TAFA5: variants seen among roughly 807,000 people sequenced by gnomAD.
The protein encoded by TAFA5 is TAFA chemokine like family member 5.
Under a neutral mutation model 15.3 loss-of-function variants are expected in TAFA5, and 6 were observed. That is an observed-to-expected ratio of 0.39 (90% confidence interval 0.21 to 0.77). The LOEUF is 0.77. Ranked by LOEUF, TAFA5 falls within the 30% of genes least tolerant of loss-of-function variation. The probability of loss-of-function intolerance (pLI) is 0.41; values close to 1 mark genes in which losing one functional copy is unlikely to be tolerated. For missense variants in TAFA5, 161 were observed against 193.1 expected (o/e 0.83, Z 0.98); for synonymous variants, 103 against 80.7 (o/e 1.28, Z -1.48).
At chr22:48,564,811 C>T (rs1438269096) in intron 1 of TAFA5, among the ~76,000 whole-genome samples, 1 of 152,200 alleles carries the variant, frequency 6.6e-6, no homozygotes, top group Non-Finnish European at 1.5e-5. Context: ...CAGCGAGGCT[C>T]AGCTGACTAT....
At chr22:48,733,882 C>A (rs577509302) in intron 3 of TAFA5, among the ~76,000 whole-genome samples, 3 of 152,320 alleles carry the variant, frequency 2.0e-5, no homozygotes, top group Admixed American at 2.0e-4. Context: ...TGACTCTTTG[C>A]AGCACAAGTT....
At chr22:48,604,978 G>C (rs953331470) in intron 1 of TAFA5, among the ~76,000 whole-genome samples, 2 of 151,808 alleles carry the variant, frequency 1.3e-5, no homozygotes. Context: ...TGAGGATATA[G>C]GTGGTGATGG....
At chr22:48,701,674 A>G (rs1209844160) in intron 2 of TAFA5, among the ~76,000 whole-genome samples, 1 of 152,226 alleles carries the variant, frequency 6.6e-6, no homozygotes, top group Non-Finnish European at 1.5e-5. Context: ...GGCTGTGCGG[A>G]GGACCTGTGG....
In TAFA5 at chr22:48,682,444, T is replaced by C. The variant is rs112431513; in HGVS notation, c.263-25273T>C. Among the ~76,000 whole-genome samples the C allele has an allele frequency of 4.6e-3, 699 of 152,310 alleles. 7 individuals carry two copies. Among genetic ancestry groups the C allele is most frequent in the African/African-American group, 0.016 (675 of 41,552 alleles). ...TGAAGTTGCTAGTGATGTTGATACA[T>C]ATCATCGTGAGCTTCTGTCCCCTGG... On this transcript the variant is annotated intron_variant, in intron 2 of 3. Transcript: ENST00000402357.
In TAFA5 at chr22:48,566,446, T is replaced by C. The variant is rs1440461662; in HGVS notation, c.112+76742T>C. ...TGAATGGTAGATGGGTGATGAATGA[T>C]TGATTGATGGAGGGATGGATGTTGG... On this transcript the variant is annotated intron_variant, in intron 1 of 3. Transcript: ENST00000402357. The surrounding 1 kb of genome is among the most constrained non-coding windows in gnomAD (Gnocchi z 4.5). 2.6e-5 allele frequency among the ~76,000 whole-genome samples: 4 copies of C among 150,944 alleles called. No individual in the cohort carries two copies. The highest frequency in any genetic ancestry group is 5.9e-5 in the Non-Finnish European group (4 of 67,712).
intron 1 of TAFA5, among the ~76,000 whole-genome samples, chr22:48,580,095 C>T (rs1053168479): frequency 2.0e-5 from 3 of 152,202 alleles, no homozygotes; most frequent in South Asian, 4.1e-4. Context: ...ATTCCAGAAG[C>T]GCTTTCAGAA....
intron 3 of TAFA5, among the ~76,000 whole-genome samples, chr22:48,713,635 T>C (rs998739699): frequency 6.6e-6 from 1 of 152,210 alleles, no homozygotes; most frequent in Admixed American, 6.5e-5. Flanking sequence ...CGTTGGCATC[T>C]CCAGCAGTGC....
At chr22:48,505,097 G>A (rs1264798893) in intron 1 of TAFA5, among the ~76,000 whole-genome samples, 1 of 152,210 alleles carries the variant, frequency 6.6e-6, no homozygotes, top group Non-Finnish European at 1.5e-5. Flanking sequence ...TGAATGGCCT[G>A]TCTACCTGCC....
At chr22:48,663,314 G>A (rs2147215936) in intron 2 of TAFA5, among the ~76,000 whole-genome samples, 1 of 150,538 alleles carries the variant, frequency 6.6e-6, no homozygotes, top group East Asian at 2.0e-4. Context: ...TGGGCTGAGG[G>A]GCCACATTGG....
intron 1 of TAFA5, among the ~76,000 whole-genome samples, chr22:48,623,768 TTTCC>T (rs1925935426): frequency 6.6e-6 from 1 of 152,246 alleles, no homozygotes; most frequent in Admixed American, 6.5e-5. Flanking sequence ...GCCCTTCGTA[TTTCC>T]TACAGATACT....
At chr22:48,669,979 C>T (rs1233039085) in intron 2 of TAFA5, among the ~76,000 whole-genome samples, 1 of 152,236 alleles carries the variant, frequency 6.6e-6, no homozygotes, top group East Asian at 1.9e-4. Flanking sequence ...TCTCCGGGTC[C>T]CCAGTCCTGG....
chr22:48,542,332 T>A (rs1922434471), intron 1 of TAFA5, among the ~76,000 whole-genome samples: 1 of 122,498 alleles, frequency 8.2e-6, no homozygotes, highest in Admixed American at 8.7e-5. Flanking sequence ...GTGATGTGTG[T>A]GGTGTGTGTG....
intron 1 of TAFA5, among the ~76,000 whole-genome samples, chr22:48,635,932 C>T (rs1452016991): frequency 2.6e-5 from 4 of 152,238 alleles, no homozygotes; most frequent in Non-Finnish European, 4.4e-5. Flanking sequence ...GCTCTTGGCA[C>T]ACTTGGCCCA....
chr22:48,575,754 C>A (rs1183366622), intron 1 of TAFA5, among the ~76,000 whole-genome samples: 1 of 144,604 alleles, frequency 6.9e-6, no homozygotes, highest in Non-Finnish European at 1.5e-5. Flanking sequence ...CCGCCAGCCC[C>A]GGGCCGCGCA....
At chr22:48,531,863 C>T (rs138823052) in intron 1 of TAFA5, among the ~76,000 whole-genome samples, 14 of 152,224 alleles carry the variant, frequency 9.2e-5, no homozygotes, top group African/African-American at 1.7e-4. Context: ...CCCGGAAGGA[C>T]GGACGGGCCT....
intron 1 of TAFA5, among the ~76,000 whole-genome samples, chr22:48,593,512 G>A (rs1179420257): frequency 6.6e-6 from 1 of 152,076 alleles, no homozygotes; most frequent in Non-Finnish European, 1.5e-5. Context: ...GATGGGGGTG[G>A]CTGGGGTCGG....
chr22:48,690,122 C>T (rs188014886), intron 2 of TAFA5, among the ~76,000 whole-genome samples: 1 of 152,024 alleles, frequency 6.6e-6, no homozygotes, highest in African/African-American at 2.4e-5. Context: ...GTGCTCCCCC[C>T]ACCCCTCCTG....
chr22:48,651,332 C>A lies in TAFA5; in HGVS notation c.262+4586C>A, dbSNP rs146003665. Among the ~76,000 whole-genome samples, 402 of 152,312 alleles carry A rather than the reference C, an allele frequency of 2.6e-3. 12 individuals are homozygous for A. The East Asian group carries it at 0.063, about 24-fold the overall frequency. ...CAGCGCAGACCCATTGTCAGGGCCG[C>A]AGTGGCCACTGGGAGGTGCAGGACA... On this transcript the variant is annotated intron_variant, in intron 2 of 3. Coordinates refer to ENST00000402357, the MANE Select transcript of TAFA5 (RefSeq NM_001082967.3).
At chr22:48,706,366 G>A (rs1231352928) in intron 2 of TAFA5, among the ~76,000 whole-genome samples, 1 of 152,272 alleles carries the variant, frequency 6.6e-6, no homozygotes, top group Non-Finnish European at 1.5e-5. Flanking sequence ...CTGTGAGTGG[G>A]CGAGGAAGGG....
Sources: gnomAD v4.1 joint callset for allele counts (sites outside exome capture counted in the v4.1 genomes callset) on GRCh38, gnomAD v4.1.1 for gene constraint, Gnocchi (gnomAD v3.1) non-coding constraint, MANE v1.5 for transcripts, NCBI Gene and HGNC (gene_info 2026-07-23, HGNC 2026-07-21) for gene names.